PEAK1: variants seen among roughly 807,000 people sequenced by gnomAD.
PEAK1 encodes the protein pseudopodium enriched atypical kinase 1, also known as inactive tyrosine-protein kinase PEAK1.
In PEAK1, 54 loss-of-function variants were observed where a neutral mutation model predicts 124.7. The ratio of observed to expected loss-of-function variants is 0.43; its 90% CI spans 0.35 to 0.54. The LOEUF (loss-of-function observed/expected upper bound fraction) is 0.54, where lower values mean the gene tolerates loss of function less well. Among genes scored for constraint, PEAK1 ranks in the 20% least tolerant of loss-of-function variants. The pLI is 0.01. For missense variants in PEAK1, 2,046 were observed against 2,134.5 expected (o/e 0.96, Z 0.82); for synonymous variants, 719 against 760.0 (o/e 0.95, Z 0.89).
rs2067822510 is a variant in PEAK1 at position 77,360,553 on chromosome 15, AT to A, written c.-603+4609del. Among the ~76,000 whole-genome samples, 8 of 151,826 alleles carry A rather than the reference AT, an allele frequency of 5.3e-5. No homozygotes were observed. In the South Asian group the frequency reaches 1.7e-3, roughly 32 times the overall value. On this transcript the variant is annotated intron_variant, in intron 2 of 9. Transcript: ENST00000682557. ...GAACTGTGTAGGTCCACTTATATGC[AT>A]TTTTTTCAACCAAACATGGATAAAA...
chr15:77,186,562 A>G (rs1333171224), intron 6 of PEAK1, among the ~76,000 whole-genome samples: 1 of 152,220 alleles, frequency 6.6e-6, no homozygotes, highest in African/African-American at 2.4e-5. Flanking sequence ...AAACCGAGAC[A>G]CTTATACATA....
chr15:77,348,402 C>A, intron 2 of PEAK1: 3 of 910,046 alleles, frequency 3.3e-6, no homozygotes, highest in Non-Finnish European at 2.6e-6. Flanking sequence ...ACACTATAAG[C>A]AAGGGAAATG....
At chr15:77,239,883 G>A in intron 6 of PEAK1, 1 of 977,794 alleles carries the variant, frequency 1.0e-6, no homozygotes, top group Non-Finnish European at 1.2e-6. Flanking sequence ...ATTTGAGAGA[G>A]TAAAATCTGT....
At chr15:77,342,170 A>C (rs1247222772) in intron 2 of PEAK1, among the ~76,000 whole-genome samples, 3 of 150,514 alleles carry the variant, frequency 2.0e-5, no homozygotes, top group Non-Finnish European at 3.0e-5. Flanking sequence ...AAAAAAAAAA[A>C]AAACACACAC....
At position 77,110,837 on chromosome 15, in the gene PEAK1, C is replaced by A. The variant is rs564801751; in HGVS notation, c.*3319G>T. ...TATTCTTCATGAATTGGCTTCTAGG[C>A]AACCCAGTAGTGTACATATACCAAA... On this transcript the variant is annotated 3_prime_UTR_variant, in exon 10 of 10. Coordinates refer to ENST00000682557, the MANE Select transcript of PEAK1 (RefSeq NM_001385026.1). The A allele has an allele frequency of 2.0e-5, 3 of 152,354 alleles. No homozygotes were observed. In the South Asian group the frequency reaches 6.2e-4, roughly 32 times the overall value. The allele number at this position is 152,354 out of a possible 1,614,324, so 9.4% of individuals were successfully genotyped here.
At chr15:77,195,119 GAC>G (rs755864565) in intron 6 of PEAK1, among the ~76,000 whole-genome samples, 3 of 151,842 alleles carry the variant, frequency 2.0e-5, no homozygotes, top group African/African-American at 4.8e-5. Flanking sequence ...TAAAAATAAA[GAC>G]AGAGAAAAAA....
chr15:77,351,529 C>T (rs1479797974), intron 2 of PEAK1, among the ~76,000 whole-genome samples: 1 of 152,086 alleles, frequency 6.6e-6, no homozygotes, highest in Admixed American at 6.5e-5. Context: ...TTACATAGGG[C>T]GTACCCCAAG....
chr15:77,419,837 A>G (rs1369757151), intron 1 of PEAK1, among the ~76,000 whole-genome samples, 169 bp downstream of exon 1: 1 of 148,216 alleles, frequency 6.7e-6, no homozygotes, highest in Non-Finnish European at 1.5e-5. Flanking sequence ...ACCGGCCGCC[A>G]GAGCCCCGGC....
chr15:77,377,728 C>T (rs898305885), intron 1 of PEAK1, among the ~76,000 whole-genome samples: 1 of 152,086 alleles, frequency 6.6e-6, no homozygotes, highest in African/African-American at 2.4e-5. Context: ...CTTTGGCCTC[C>T]CAAAGTGCTG....
At chr15:77,404,064 G>A (rs2071599463) in intron 1 of PEAK1, 1 of 984,364 alleles carries the variant, frequency 1.0e-6, no homozygotes, top group Non-Finnish European at 1.2e-6. Flanking sequence ...CAATTTTACT[G>A]ACCATTCTGA....
intron 6 of PEAK1, chr15:77,239,839 G>A: frequency 1.0e-6 from 1 of 985,068 alleles, no homozygotes; most frequent in Non-Finnish European, 1.2e-6. Context: ...CACTCTCTAG[G>A]AAATCACACA....
chr15:77,419,039 T>C (rs1482749014), intron 1 of PEAK1: 5 of 985,304 alleles, frequency 5.1e-6, no homozygotes, highest in African/African-American at 3.5e-5. Flanking sequence ...AGGTTTTCTA[T>C]AGCAAGGCCA....
intron 1 of PEAK1, among the ~76,000 whole-genome samples, chr15:77,376,293 G>A (rs577826410): frequency 1.1e-4 from 16 of 152,112 alleles, no homozygotes; most frequent in African/African-American, 3.6e-4. Flanking sequence ...TGAAAATGGG[G>A]AAAACAAGGA....
intron 2 of PEAK1, chr15:77,350,033 AG>A: frequency 1.0e-6 from 1 of 985,232 alleles, no homozygotes; most frequent in Admixed American, 6.1e-5. Context: ...ACAGCAATGT[AG>A]GAAGTCAGGG....
chr15:77,337,270 C>T (rs558264065), intron 2 of PEAK1: 2 of 985,020 alleles, frequency 2.0e-6, no homozygotes, highest in East Asian at 1.1e-4. Context: ...AAAAAAGGTT[C>T]TAAGTATGCC....
At chr15:77,300,616 T>C (rs762835419) in intron 2 of PEAK1, among the ~76,000 whole-genome samples, 1 of 152,150 alleles carries the variant, frequency 6.6e-6, no homozygotes, top group African/African-American at 2.4e-5. Context: ...ACAATATAAA[T>C]ACATTATTAA....
At chr15:77,264,133 C>A (rs1320706896) in intron 5 of PEAK1, among the ~76,000 whole-genome samples, 3 of 152,152 alleles carry the variant, frequency 2.0e-5, no homozygotes, top group Admixed American at 6.5e-5. Context: ...CTGTGACAAA[C>A]CCACAGCCAA....
chr15:77,217,267 C>G (rs1191876931), intron 6 of PEAK1, among the ~76,000 whole-genome samples: 1 of 141,122 alleles, frequency 7.1e-6, no homozygotes, highest in Non-Finnish European at 1.5e-5. Context: ...GTGGGGAGCA[C>G]AAAGTACAGT....
At chr15:77,230,361 G>A (rs2059857558) in intron 6 of PEAK1, among the ~76,000 whole-genome samples, 1 of 151,878 alleles carries the variant, frequency 6.6e-6, no homozygotes, top group Non-Finnish European at 1.5e-5. Flanking sequence ...CACCATACCA[G>A]GCTAATTTTT....
Sources: allele counts gnomAD v4.1 joint callset (sites outside exome capture counted in the v4.1 genomes callset), GRCh38; gene constraint gnomAD v4.1.1; transcripts MANE v1.5; gene names NCBI Gene and HGNC (gene_info 2026-07-23, HGNC 2026-07-21).